Variants in CHSY3 observed in about 807,000 individuals in gnomAD.
CHSY3 encodes chondroitin sulfate synthase 3.
In CHSY3, 35 loss-of-function variants were observed where a neutral mutation model predicts 67.2. That is an observed-to-expected ratio of 0.52 (90% CI 0.40 to 0.69). The LOEUF is 0.69. Ranked by LOEUF, CHSY3 falls within the 30% of genes least tolerant of loss-of-function variation. CHSY3 has a pLI of 0.00. For synonymous variants in CHSY3, 474 were observed against 434.7 expected (o/e 1.09, Z -1.12); for missense variants, 1,069 against 1,138.5 (o/e 0.94, Z 0.88).
At chr5:130,178,678 A>G (rs1580803850) in intron 2 of CHSY3, among the ~76,000 whole-genome samples, 1 of 152,172 alleles carries the variant, frequency 6.6e-6, no homozygotes, top group Non-Finnish European at 1.5e-5. Context: ...TATCCTTAAT[A>G]AACTGCTCAA....
At chr5:130,031,513 G>T (rs1209434890) in intron 2 of CHSY3, among the ~76,000 whole-genome samples, 1 of 152,150 alleles carries the variant, frequency 6.6e-6, no homozygotes, top group Non-Finnish European at 1.5e-5. Flanking sequence ...CTTGTTTACA[G>T]TATTCCATGT....
chr5:130,151,004 C>G (rs1193717107), intron 2 of CHSY3, among the ~76,000 whole-genome samples: 1 of 152,072 alleles, frequency 6.6e-6, no homozygotes, highest in Non-Finnish European at 1.5e-5. Flanking sequence ...AAGTTTGTTT[C>G]AAAGCATGAC....
intron 2 of CHSY3, among the ~76,000 whole-genome samples, chr5:130,056,635 A>G (rs1309683418): frequency 1.3e-5 from 2 of 152,210 alleles, no homozygotes; most frequent in Non-Finnish European, 2.9e-5. Flanking sequence ...ACAAAATCTT[A>G]AAGTAAATGT....
At chr5:129,910,032 G>T (rs891206613) in intron 2 of CHSY3, among the ~76,000 whole-genome samples, 8 of 151,942 alleles carry the variant, frequency 5.3e-5, no homozygotes, top group African/African-American at 1.9e-4. Flanking sequence ...ATTCATTCAT[G>T]TTCAAGACAG....
At chr5:130,124,082 G>T (rs867603589) in intron 2 of CHSY3, among the ~76,000 whole-genome samples, 3 of 143,416 alleles carry the variant, frequency 2.1e-5, no homozygotes, top group Middle Eastern at 3.6e-3. Flanking sequence ...ACAGTTCTAA[G>T]AGCAATGGAG....
intron 1 of CHSY3, among the ~76,000 whole-genome samples, chr5:129,906,749 A>AG (rs926711853): frequency 2.0e-5 from 3 of 152,284 alleles, no homozygotes; most frequent in South Asian, 2.1e-4. Context: ...TCCCGGTCAA[A>AG]GGGGGGCAGC....
chr5:129,926,240 T>C (rs1408679338), intron 2 of CHSY3, among the ~76,000 whole-genome samples: 1 of 152,052 alleles, frequency 6.6e-6, no homozygotes, highest in East Asian at 1.9e-4. Context: ...GGCCAACTTA[T>C]TGATTATTTA....
intron 2 of CHSY3, among the ~76,000 whole-genome samples, chr5:130,181,286 T>TA (rs1770235021): frequency 6.6e-6 from 1 of 152,242 alleles, no homozygotes; most frequent in Admixed American, 6.5e-5. Flanking sequence ...ATATAATTTT[T>TA]AAAATAAATT....
chr5:130,087,641 C>G (rs1766698729), intron 2 of CHSY3, among the ~76,000 whole-genome samples: 1 of 151,954 alleles, frequency 6.6e-6, no homozygotes, highest in South Asian at 2.1e-4. Context: ...AATAAAATAC[C>G]TAGGAATCCA....
At chr5:130,015,791 A>C (rs185196447) in intron 2 of CHSY3, among the ~76,000 whole-genome samples, 8 of 152,330 alleles carry the variant, frequency 5.3e-5, no homozygotes, top group Admixed American at 3.3e-4. Context: ...CTGAATGTTC[A>C]TCTCTGCACT....
At chr5:129,972,383 C>T (rs901750894) in intron 2 of CHSY3, among the ~76,000 whole-genome samples, 6 of 152,108 alleles carry the variant, frequency 3.9e-5, no homozygotes, top group African/African-American at 1.2e-4. Context: ...TTGTAGTATT[C>T]TGGGATGCAG....
In CHSY3 at chr5:130,184,843, C is replaced by A; in HGVS notation, c.1701C>A (p.Phe567Leu). The A allele has an allele frequency of 6.2e-7, 1 of 1,608,826 alleles. No individual in the cohort carries two copies. Among genetic ancestry groups the A allele is most frequent in the Non-Finnish European group, 8.5e-7 (1 of 1,175,184 alleles). Residue 567 changes from phenylalanine to leucine, a missense_variant, in exon 3 of 3, where the codon TTC becomes TTA. By Grantham distance (22) the Phe-to-Leu change is conservative. Transcript: ENST00000305031. ...VRRHAYLQQLFSKPFFRETEE... is the reference protein window; with the variant it reads ...VRRHAYLQQLLSKPFFRETEE... ...GTCATGCCTATCTTCAGCAGTTGTT[C>A]AGCAAGCCTTTCTTCAGAGAGACCG...
intron 2 of CHSY3, among the ~76,000 whole-genome samples, chr5:130,110,511 A>G (rs114177690): frequency 0.015 from 2,281 of 152,032 alleles, 71 homozygotes; most frequent in African/African-American, 0.052. Flanking sequence ...CCACAGTCTA[A>G]TCTTTGGCTT....
At chr5:130,134,492 T>G (rs937645209) in intron 2 of CHSY3, among the ~76,000 whole-genome samples, 1 of 152,172 alleles carries the variant, frequency 6.6e-6, no homozygotes, top group African/African-American at 2.4e-5. Context: ...ATCATGATCT[T>G]ATATAGCATT....
intron 2 of CHSY3, among the ~76,000 whole-genome samples, chr5:130,067,215 C>G (rs1302787537): frequency 1.3e-5 from 2 of 152,050 alleles, no homozygotes; most frequent in African/African-American, 4.8e-5. Context: ...TTCCACTGAC[C>G]AAATAGTTCT....
intron 2 of CHSY3, among the ~76,000 whole-genome samples, chr5:130,019,385 A>G (rs1490273179): frequency 6.6e-6 from 1 of 152,118 alleles, no homozygotes; most frequent in Non-Finnish European, 1.5e-5. Context: ...AACCTGGGCA[A>G]TTATCTTTTG....
intron 2 of CHSY3, among the ~76,000 whole-genome samples, chr5:130,029,171 G>A (rs968547871): frequency 1.3e-5 from 2 of 152,086 alleles, no homozygotes; most frequent in African/African-American, 2.4e-5. Context: ...GCTATTTGCC[G>A]AGGTCTGGAG....
intron 2 of CHSY3, among the ~76,000 whole-genome samples, chr5:130,004,364 T>A (rs756527241): frequency 6.6e-6 from 1 of 152,224 alleles, no homozygotes; most frequent in Non-Finnish European, 1.5e-5. Flanking sequence ...ACAATTTTTA[T>A]ATATTTGAGT....
chr5:129,997,761 G>A (rs1047215975), intron 2 of CHSY3, among the ~76,000 whole-genome samples: 3 of 152,072 alleles, frequency 2.0e-5, no homozygotes, highest in African/African-American at 4.8e-5. Flanking sequence ...TGCGGTGTTT[G>A]ATTTTCTGTC....
Sources: allele counts gnomAD v4.1 joint callset (sites outside exome capture counted in the v4.1 genomes callset), GRCh38; gene constraint gnomAD v4.1.1; transcripts MANE v1.5; gene names NCBI Gene and HGNC (gene_info 2026-07-23, HGNC 2026-07-21).